Variants in IL17RA observed in about 807,000 individuals in gnomAD.
IL17RA encodes the protein interleukin-17 receptor A.
Under a neutral mutation model 50.4 loss-of-function variants are expected in IL17RA, and 34 were observed. The observed-to-expected ratio is 0.67, with a 90% CI of 0.51 to 0.90. The LOEUF (loss-of-function observed/expected upper bound fraction) is 0.90, where lower values mean the gene tolerates loss of function less well. IL17RA is among the 40% of genes least tolerant of loss of function. IL17RA has a pLI of 0.00. For synonymous variants in IL17RA, 585 were observed against 510.4 expected (o/e 1.15, Z -1.97); for missense variants, 1,276 against 1,169.8 (o/e 1.09, Z -1.32).
chr22:17,100,556 A>G (rs1601343238), intron 5 of IL17RA, 75 bp downstream of exon 5: 1 of 1,570,506 alleles, frequency 6.4e-7, no homozygotes, highest in East Asian at 2.2e-5. Flanking sequence ...CACAGATGCC[A>G]GCCCCCCTGC....
intron 8 of IL17RA, among the ~76,000 whole-genome samples, 154 bp downstream of exon 8, chr22:17,103,731 C>T (rs539928945): frequency 1.6e-4 from 19 of 116,754 alleles, no homozygotes; most frequent in Middle Eastern, 4.7e-3. Context: ...GAGTGGGGAG[C>T]GTGCACAGGT....
intron 1 of IL17RA, among the ~76,000 whole-genome samples, chr22:17,094,621 T>G (rs2123794455): frequency 7.4e-6 from 1 of 134,806 alleles, no homozygotes; most frequent in African/African-American, 2.8e-5. Context: ...TTAACACCTG[T>G]TAACATGTTT....
chr22:17,100,239 T>C (rs1333381203), intron 4 of IL17RA, 116 bp from the exon 5 acceptor site: 1 of 1,284,034 alleles, frequency 7.8e-7, no homozygotes, highest in Non-Finnish European at 1.1e-6. Context: ...GGTTGTTGCT[T>C]TGTTCTTATT....
In IL17RA at chr22:17,109,785, A is replaced by G; in HGVS notation, c.2566A>G (p.Thr856Ala). ...RQLQKNSGWDTMGSESEGPSA is the reference protein window; with the variant it reads ...RQLQKNSGWDAMGSESEGPSA The stretch of plus-strand genomic sequence containing the variant: ...GCTGCAGAAGAACTCGGGCTGGGAC[A>G]CGATGGGGTCAGAGTCAGAGGGGCC... The change falls in exon 13 of 13, where the codon ACG (threonine) becomes GCG (alanine). Residue 856 changes from threonine (T) to alanine (A), a missense_variant. By Grantham distance (58) the Thr-to-Ala change is moderately conservative (BLOSUM62 0). Transcript: ENST00000319363. 1 of 1,550,870 alleles carries G rather than the reference A, an allele frequency of 6.4e-7. No homozygotes were observed. The highest frequency in any genetic ancestry group is 1.2e-5 in the South Asian group (1 of 84,160).
At position 17,103,662 on chromosome 22, in the gene IL17RA, G is replaced by A. The variant is rs2061400063; in HGVS notation, c.846+85G>A. On this transcript the variant is annotated intron_variant, in intron 8 of 12. Coordinates refer to ENST00000319363, the MANE Select transcript of IL17RA (RefSeq NM_014339.7). Reference sequence around the variant, plus strand: ...ACAGGAGTGAGGAGTGTGCACAGGTGAAGAGTGGTGTGGACGGGAGTGGGG... The same window carrying A: ...ACAGGAGTGAGGAGTGTGCACAGGTAAAGAGTGGTGTGGACGGGAGTGGGG... 3.7e-6 allele frequency: 4 copies of A among 1,082,764 alleles called. No individual in the cohort carries two copies. The South Asian group carries it at 5.3e-5, about 14-fold the overall frequency. The allele number at this position is 1,082,764 out of a possible 1,614,324, so 67.1% of individuals were successfully genotyped here.
At chr22:17,100,299 A>G in intron 4 of IL17RA, 56 bp from the exon 5 acceptor site, 1 of 1,612,062 alleles carries the variant, frequency 6.2e-7, no homozygotes, top group Non-Finnish European at 8.5e-7. Flanking sequence ...TTGGGCATAG[A>G]TGGGTGACAG....
At position 17,102,199 on chromosome 22, in the gene IL17RA, G is replaced by T; in HGVS notation, c.659G>T (p.Ser220Ile). The change falls in exon 7 of 13, where the codon AGC becomes ATC. Residue 220 changes from serine (S) to isoleucine (I), a missense_variant. Ser to Ile is a moderately radical substitution (Grantham distance 142). Coordinates refer to ENST00000319363, the MANE Select transcript of IL17RA (RefSeq NM_014339.7). ...CTGGAGGCCCACCAGCTGCGTGTGAGCTTCACCCTGTGGAACGAATCTACC... is the reference window on the plus strand; with the variant it reads ...CTGGAGGCCCACCAGCTGCGTGTGATCTTCACCCTGTGGAACGAATCTACC... ...ETLEAHQLRV[S>I]FTLWNESTHY... 1 of 1,614,182 alleles carries T rather than the reference G, an allele frequency of 6.2e-7. No individual in the cohort carries two copies. Among genetic ancestry groups the T allele is most frequent in the Non-Finnish European group, 8.5e-7 (1 of 1,180,030 alleles).
At chr22:17,096,924 C>T (rs1336356507) in intron 1 of IL17RA, 138 bp from the exon 2 acceptor site, 4 of 782,136 alleles carry the variant, frequency 5.1e-6, no homozygotes, top group Non-Finnish European at 4.6e-6. Flanking sequence ...ACTCACTCCT[C>T]ATCCTATTCC....
chr22:17,100,150 A>T (rs972721972), intron 4 of IL17RA, among the ~76,000 whole-genome samples: 1 of 151,850 alleles, frequency 6.6e-6, no homozygotes, highest in Admixed American at 6.6e-5. Context: ...TTAAAAAAAA[A>T]AAAAAAAAAA....
At position 17,108,643 on chromosome 22, in the gene IL17RA, TG is replaced by T; in HGVS notation, c.1429del (p.Asp477ThrfsTer7). 6.2e-7 allele frequency: 1 copy of T among 1,606,278 alleles called. No homozygotes were observed. The highest frequency in any genetic ancestry group is 8.5e-7 in the Non-Finnish European group (1 of 1,179,712). On this transcript the variant is annotated frameshift_variant, in exon 13 of 13. Coordinates refer to ENST00000319363, the MANE Select transcript of IL17RA (RefSeq NM_014339.7). LOFTEE classifies it low-confidence loss of function (END_TRUNC). The part of the protein sequence containing the change: ...VRLRCDHGKP[V>X]GDLFTAAMNM... ...CTGCGCTGCGACCACGGAAAGCCCG[TG>T]GGGGACCTGTTCACTGCAGCCATGA...
intron 3 of IL17RA, among the ~76,000 whole-genome samples, 180 bp downstream of exon 3, chr22:17,098,123 A>C (rs9605215): frequency 0.085 from 12,963 of 152,224 alleles, 696 homozygotes; most frequent in East Asian, 0.24. Flanking sequence ...ATATTAACCC[A>C]CAGTGATACC....
chr22:17,109,176 C>T lies in IL17RA; in HGVS notation c.1957C>T (p.His653Tyr). The T allele has an allele frequency of 6.6e-7, 1 of 1,526,356 alleles. No individual in the cohort carries two copies. Among genetic ancestry groups the T allele is most frequent in the Non-Finnish European group, 8.8e-7 (1 of 1,142,318 alleles). The allele number at this position is 1,526,356 out of a possible 1,614,324, so 94.6% of individuals were successfully genotyped here. A position where few individuals can be genotyped will look rare whatever the true frequency, so the allele number is the denominator to read the frequency against. Reference sequence around the variant, plus strand: ...AGCAGCAGTGGCAAAGCTGGAACCTCACCTGCAGCCCCGGGGTCAGCCAGC... The same window carrying T: ...AGCAGCAGTGGCAAAGCTGGAACCTTACCTGCAGCCCCGGGGTCAGCCAGC... ...GGAAVAKLEPHLQPRGQPAPQ... is the reference protein window; with the variant it reads ...GGAAVAKLEPYLQPRGQPAPQ... The change falls in exon 13 of 13, where the codon CAC becomes TAC. Residue 653 changes from histidine (H) to tyrosine (Y), a missense_variant. His to Tyr is a moderately conservative substitution (Grantham distance 83). Transcript: ENST00000319363.
At chr22:17,106,296 G>T (rs1006816641) in intron 11 of IL17RA, among the ~76,000 whole-genome samples, 1 of 152,112 alleles carries the variant, frequency 6.6e-6, no homozygotes, top group African/African-American at 2.4e-5. Flanking sequence ...TCCTGCAGCC[G>T]CCAGACGTGG....
rs1472788242 is a variant in IL17RA at position 17,107,773 on chromosome 22, G to A, written c.1087+5G>A. 1 of 1,613,300 alleles carries A rather than the reference G, an allele frequency of 6.2e-7. No homozygotes were observed. Among genetic ancestry groups the A allele is most frequent in the East Asian group, 2.2e-5 (1 of 44,876 alleles). ...GTGATGACACCAAATACACCGGTCAGTATTTCCTGGTTTGCATGTTTGCTT... is the reference window on the plus strand; with the variant it reads ...GTGATGACACCAAATACACCGGTCAATATTTCCTGGTTTGCATGTTTGCTT... On this transcript the variant is annotated splice_donor_5th_base_variant and intron_variant, in intron 12 of 12. Coordinates refer to ENST00000319363, the MANE Select transcript of IL17RA (RefSeq NM_014339.7).
At position 17,113,443 on chromosome 22, in the gene IL17RA, C is replaced by G; in HGVS notation, c.*3623C>G. 1 of 152,396 alleles carries G rather than the reference C, an allele frequency of 6.6e-6. No homozygotes were observed. Among genetic ancestry groups the G allele is most frequent in the East Asian group, 1.9e-4 (1 of 5,182 alleles). 9.4% of individuals were successfully genotyped at this position (152,396 alleles called of 1,614,324 possible). On this transcript the variant is annotated 3_prime_UTR_variant, in exon 13 of 13. Transcript: ENST00000319363. ...AACTCCTGGGCTCAAGCCATCTGCC[C>G]GCCTCATCCTCCCAAAGTGCTGGGA...
rs2061433077 is a variant in IL17RA, at chr22:17,109,795, CAG to C, written c.2579_2580del (p.Glu860ValfsTer20). 5 of 1,550,160 alleles carry C rather than the reference CAG, an allele frequency of 3.2e-6. No homozygotes were observed. The highest frequency in any genetic ancestry group is 1.7e-4 in the Middle Eastern group (1 of 5,992). ...AACTCGGGCTGGGACACGATGGGGT[CAG>C]AGTCAGAGGGGCCCAGTGCATGAGG... On this transcript the variant is annotated frameshift_variant, in exon 13 of 13. Coordinates refer to ENST00000319363, the MANE Select transcript of IL17RA (RefSeq NM_014339.7). LOFTEE classifies it high-confidence loss of function.
intron 1 of IL17RA, among the ~76,000 whole-genome samples, chr22:17,093,211 T>C (rs148709077): frequency 4.5e-4 from 69 of 152,346 alleles, no homozygotes; most frequent in Middle Eastern, 3.4e-3. Flanking sequence ...AAATGCTCTG[T>C]GTAGTTAAGG....
chr22:17,086,091 C>A (rs1457182885), intron 1 of IL17RA, among the ~76,000 whole-genome samples: 3 of 152,158 alleles, frequency 2.0e-5, no homozygotes, highest in African/African-American at 7.2e-5. Flanking sequence ...AGTGACCCAC[C>A]CGCCTGCCGG....
Position 17,115,065 on chromosome 22 carries a change from A to T in IL17RA, c.*5245A>T, listed in dbSNP as rs372821351. The T allele has an allele frequency of 1.3e-5, 2 of 152,382 alleles. No individual in the cohort carries two copies. Among genetic ancestry groups the T allele is most frequent in the South Asian group, 4.1e-4 (2 of 4,836 alleles). The allele number at this position is 152,382 out of a possible 1,614,324, so 9.4% of individuals were successfully genotyped here. The stretch of plus-strand genomic sequence containing the variant: ...GGCTGGGCATTGCCTACACGTGAAG[A>T]GATCACTCCGCGTCCCTACTGCACC... On this transcript the variant is annotated 3_prime_UTR_variant, in exon 13 of 13. Coordinates refer to ENST00000319363, the MANE Select transcript of IL17RA (RefSeq NM_014339.7).
Sources: allele counts gnomAD v4.1 joint callset (sites outside exome capture counted in the v4.1 genomes callset), GRCh38; gene constraint gnomAD v4.1.1; transcripts MANE v1.5; gene names NCBI Gene and HGNC (gene_info 2026-07-23, HGNC 2026-07-21).